The following HECW2 variants were observed in gnomAD, a reference collection of about 807,000 sequenced individuals.
HECW2 encodes HECT, C2 and WW domain containing E3 ubiquitin protein ligase 2, also known as E3 ubiquitin-protein ligase HECW2.
HECW2 carries 61 observed loss-of-function variants against 175.2 expected under a neutral mutation model. That is an observed-to-expected ratio of 0.35 (90% CI 0.28 to 0.43). The LOEUF (loss-of-function observed/expected upper bound fraction) is 0.43, where lower values mean the gene tolerates loss of function less well. HECW2 is among the 20% of genes least tolerant of loss of function. HECW2 has a pLI of 1.00. For synonymous variants in HECW2, 671 were observed against 731.0 expected (o/e 0.92, Z 1.32); for missense variants, 1,524 against 2,000.5 (o/e 0.76, Z 4.54).
At chr2:196,343,220 C>T (rs542364230) in intron 3 of HECW2, among the ~76,000 whole-genome samples, 27 of 152,244 alleles carry the variant, frequency 1.8e-4, no homozygotes, top group Admixed American at 1.2e-3. Context: ...AGAGTATATG[C>T]ATATAACCTG....
chr2:196,335,255 C>T (rs1692509889), intron 3 of HECW2, among the ~76,000 whole-genome samples: 1 of 152,150 alleles, frequency 6.6e-6, no homozygotes, highest in African/African-American at 2.4e-5. Flanking sequence ...GAAAGTAATA[C>T]AAATGCCAAT....
At chr2:196,220,695 A>T in intron 25 of HECW2, 100 bp downstream of exon 25, 1 of 1,273,516 alleles carries the variant, frequency 7.9e-7, no homozygotes, top group Non-Finnish European at 1.1e-6. Flanking sequence ...AGCAACAGTA[A>T]ATACAGCAGA....
intron 17 of HECW2, among the ~76,000 whole-genome samples, chr2:196,264,842 G>A (rs1044157794): frequency 6.6e-6 from 1 of 152,148 alleles, no homozygotes; most frequent in African/African-American, 2.4e-5. Flanking sequence ...TCCTTTTGCA[G>A]AAGTCATAGA....
intron 16 of HECW2, among the ~76,000 whole-genome samples, chr2:196,271,967 C>A (rs939065564): frequency 1.1e-4 from 16 of 152,082 alleles, no homozygotes; most frequent in African/African-American, 3.9e-4. Flanking sequence ...TATTTATTAT[C>A]AAATGGCAAG....
At chr2:196,503,407 A>G (rs914699401) in intron 1 of HECW2, among the ~76,000 whole-genome samples, 4 of 152,312 alleles carry the variant, frequency 2.6e-5, no homozygotes, top group South Asian at 2.1e-4. Flanking sequence ...GCCTAGATCT[A>G]TGGGCAGTAG....
At chr2:196,484,444 C>G (rs1686938135) in intron 1 of HECW2, among the ~76,000 whole-genome samples, 1 of 152,164 alleles carries the variant, frequency 6.6e-6, no homozygotes, top group Admixed American at 6.5e-5. Context: ...ACAGCGTGAT[C>G]CTGAAGGCTG....
At chr2:196,439,193 T>C (rs1695969764) in intron 1 of HECW2, among the ~76,000 whole-genome samples, 1 of 152,212 alleles carries the variant, frequency 6.6e-6, no homozygotes, top group South Asian at 2.1e-4. Flanking sequence ...AAAGTAGCCA[T>C]GGTTATTTTA....
chr2:196,259,909 A>G (rs185869697), intron 17 of HECW2: 1 of 152,342 alleles, frequency 6.6e-6, no homozygotes, highest in East Asian at 1.9e-4. Flanking sequence ...GCTATCTCCC[A>G]CAAATATGCA....
chr2:196,372,752 T>G (rs1270869136), intron 2 of HECW2, among the ~76,000 whole-genome samples: 1 of 152,178 alleles, frequency 6.6e-6, no homozygotes, highest in African/African-American at 2.4e-5. Context: ...TCATTTTATT[T>G]GCTTAACATT....
intron 12 of HECW2, 47 bp downstream of exon 12, chr2:196,307,083 T>C: frequency 1.5e-6 from 2 of 1,357,178 alleles, no homozygotes; most frequent in Non-Finnish European, 2.1e-6. Context: ...TATTTGCTTC[T>C]TTTTCCACTT....
chr2:196,398,000 C>T (rs1392071682), intron 2 of HECW2, among the ~76,000 whole-genome samples: 2 of 152,018 alleles, frequency 1.3e-5, no homozygotes, highest in African/African-American at 2.4e-5. Flanking sequence ...AGATACCTCA[C>T]CAGGAAGTGG....
At chr2:196,333,561 G>A (rs1692445567) in intron 4 of HECW2, among the ~76,000 whole-genome samples, 1 of 151,748 alleles carries the variant, frequency 6.6e-6, no homozygotes, top group African/African-American at 2.4e-5. Context: ...TGTCATAGGA[G>A]TCAGTATTTT....
At chr2:196,346,885 G>A (rs2105840270) in intron 2 of HECW2, among the ~76,000 whole-genome samples, 1 of 151,052 alleles carries the variant, frequency 6.6e-6, no homozygotes, top group South Asian at 2.1e-4. Context: ...ACAGGCGCCT[G>A]TAATCCCAGC....
chr2:196,500,972 C>T (rs1247838884), intron 1 of HECW2, among the ~76,000 whole-genome samples: 2 of 152,030 alleles, frequency 1.3e-5, no homozygotes, highest in African/African-American at 2.4e-5. Flanking sequence ...CTTATTTTCC[C>T]GCTTTAAATC....
chr2:196,522,775 G>T (rs1270284731), intron 1 of HECW2, among the ~76,000 whole-genome samples: 1 of 150,820 alleles, frequency 6.6e-6, no homozygotes, highest in South Asian at 2.1e-4. Flanking sequence ...GTTTGTCAAA[G>T]ATCAGATAGT....
intron 28 of HECW2, among the ~76,000 whole-genome samples, chr2:196,213,055 G>C (rs1389089668): frequency 6.6e-6 from 1 of 152,156 alleles, no homozygotes; most frequent in African/African-American, 2.4e-5. Context: ...TAATATAAAA[G>C]AATCTCTTTA....
At chr2:196,499,831 A>G in intron 1 of HECW2, among the ~76,000 whole-genome samples, 1 of 152,222 alleles carries the variant, frequency 6.6e-6, no homozygotes, top group East Asian at 1.9e-4. Flanking sequence ...AAGTTCTTCC[A>G]GAAAGTTCTT....
intron 1 of HECW2, among the ~76,000 whole-genome samples, chr2:196,563,639 G>C (rs1165270763): frequency 6.6e-6 from 1 of 152,090 alleles, no homozygotes; most frequent in African/African-American, 2.4e-5. Context: ...CAGGAGTCAA[G>C]TAAAGAACAC....
At chr2:196,271,733 T>C (rs36081214) in intron 16 of HECW2, among the ~76,000 whole-genome samples, 29,212 of 152,162 alleles carry the variant, frequency 0.19, 3,027 homozygotes, top group East Asian at 0.24. Flanking sequence ...AGTGAGAACT[T>C]GTTTCTATTG....
Sources: allele counts gnomAD v4.1 joint callset (sites outside exome capture counted in the v4.1 genomes callset), GRCh38; gene constraint gnomAD v4.1.1; transcripts MANE v1.5; gene names NCBI Gene and HGNC (gene_info 2026-07-23, HGNC 2026-07-21).